RHBDD1: variants seen among roughly 807,000 people sequenced by gnomAD.
RHBDD1 encodes the protein rhomboid domain containing 1.
RHBDD1 carries 38 observed loss-of-function variants against 36.3 expected under a neutral mutation model. The observed-to-expected ratio is 1.05, with a 90% CI of 0.81 to 1.37. RHBDD1 has a LOEUF of 1.37. Ranked by LOEUF, RHBDD1 falls within the 40% of genes most tolerant of loss-of-function variation. RHBDD1 has a pLI of 0.00. For missense variants in RHBDD1, 393 were observed against 377.6 expected, an observed-to-expected ratio of 1.04 and a Z score of -0.34; for synonymous variants, 151 against 136.5, an observed-to-expected ratio of 1.11 and a Z score of -0.74.
chr2:226,971,796 A>AT (rs199799517), intron 8 of RHBDD1, among the ~76,000 whole-genome samples: 27 of 148,618 alleles, frequency 1.8e-4, no homozygotes, highest in South Asian at 1.3e-3. Flanking sequence ...TTGAGATATG[A>AT]TTTTTTTTTT....
intron 8 of RHBDD1, among the ~76,000 whole-genome samples, chr2:226,985,819 CT>C (rs760593288): frequency 1.2e-4 from 18 of 152,380 alleles, no homozygotes; most frequent in Non-Finnish European, 1.8e-4. Context: ...CTATATCCTA[CT>C]CATGCCCAAG....
At chr2:226,971,215 C>G (rs1489554395) in intron 8 of RHBDD1, among the ~76,000 whole-genome samples, 1 of 152,192 alleles carries the variant, frequency 6.6e-6, no homozygotes, top group South Asian at 2.1e-4. Flanking sequence ...TCCTGTTTCC[C>G]TCCTCACACC....
the RHBDD1 span, among the ~76,000 whole-genome samples, chr2:226,817,848 A>C: frequency 6.6e-6 from 1 of 152,182 alleles, no homozygotes; most frequent in East Asian, 1.9e-4. Context: ...TCCAGCATGC[A>C]CCTTTTTAAC....
intron 5 of RHBDD1, among the ~76,000 whole-genome samples, chr2:226,903,953 A>G (rs1433219680): frequency 6.6e-6 from 1 of 152,114 alleles, no homozygotes; most frequent in Non-Finnish European, 1.5e-5. Context: ...ATGTCACTGG[A>G]CAGCCAAACT....
intron 5 of RHBDD1, among the ~76,000 whole-genome samples, chr2:226,892,300 A>T (rs982669233): frequency 6.6e-6 from 1 of 152,202 alleles, no homozygotes; most frequent in African/African-American, 2.4e-5. Flanking sequence ...TCTGTTTTTC[A>T]TAGTCAGAAT....
the RHBDD1 span, among the ~76,000 whole-genome samples, chr2:226,825,617 TTAGA>T: frequency 2.0e-5 from 3 of 152,324 alleles, no homozygotes; most frequent in East Asian, 1.9e-4. Flanking sequence ...TTTTGATAGT[TTAGA>T]TAGTTAATAA....
At chr2:226,902,741 G>A (rs551350527) in intron 5 of RHBDD1, among the ~76,000 whole-genome samples, 46 of 152,140 alleles carry the variant, frequency 3.0e-4, no homozygotes, top group Non-Finnish European at 4.4e-4. Flanking sequence ...TGGAACTTTT[G>A]TGGAAAATGC....
intron 3 of RHBDD1, among the ~76,000 whole-genome samples, chr2:226,841,720 A>G (rs1941654818): frequency 6.6e-6 from 1 of 152,128 alleles, no homozygotes; most frequent in Non-Finnish European, 1.5e-5. Context: ...GGTCAATTCC[A>G]TGTTTTTGCT....
At chr2:226,886,867 TAATTTAA>T (rs1441673529) in intron 5 of RHBDD1, among the ~76,000 whole-genome samples, 2 of 152,092 alleles carry the variant, frequency 1.3e-5, no homozygotes, top group African/African-American at 2.4e-5. Flanking sequence ...GCTTAGTCTT[TAATTTAA>T]AGAACTAGAA....
At chr2:226,810,540 C>CA in the RHBDD1 span, among the ~76,000 whole-genome samples, 4,056 of 33,280 alleles carry the variant, frequency 0.12, 438 homozygotes, top group Admixed American at 0.14. Flanking sequence ...GACTCCGTCT[C>CA]AAAAAAAAAA....
chr2:226,880,180 A>G (rs1190088559), intron 5 of RHBDD1, among the ~76,000 whole-genome samples: 2 of 152,172 alleles, frequency 1.3e-5, no homozygotes, highest in African/African-American at 4.8e-5. Context: ...ACAAGTGTAT[A>G]TAGAATGATA....
At chr2:226,810,540 C>CAAAAA in the RHBDD1 span, among the ~76,000 whole-genome samples, 119 of 33,854 alleles carry the variant, frequency 3.5e-3, 8 homozygotes, top group African/African-American at 0.012. Flanking sequence ...GACTCCGTCT[C>CAAAAA]AAAAAAAAAA....
chr2:226,917,213 TTC>T (rs1948972622), intron 8 of RHBDD1, among the ~76,000 whole-genome samples: 1 of 152,096 alleles, frequency 6.6e-6, no homozygotes, highest in Admixed American at 6.5e-5. Flanking sequence ...CTTCAGAGAT[TTC>T]AGAAAGTCAT....
chr2:226,865,588 A>G (rs1486265334), intron 4 of RHBDD1, among the ~76,000 whole-genome samples: 1 of 152,196 alleles, frequency 6.6e-6, no homozygotes, highest in African/African-American at 2.4e-5. Flanking sequence ...AGCAAGGGAA[A>G]ACAGGAGCCT....
intron 8 of RHBDD1, among the ~76,000 whole-genome samples, chr2:226,929,156 C>T (rs186439013): frequency 5.5e-4 from 83 of 152,116 alleles, no homozygotes; most frequent in African/African-American, 1.8e-3. Flanking sequence ...TCTATGAAGC[C>T]GGTATCACCA....
intron 5 of RHBDD1, among the ~76,000 whole-genome samples, chr2:226,904,187 A>G (rs1325561787): frequency 6.6e-6 from 1 of 152,174 alleles, no homozygotes; most frequent in Non-Finnish European, 1.5e-5. Context: ...TCTAACCCTT[A>G]AGCTGCCTGT....
chr2:226,924,971 A>G (rs570483353), intron 8 of RHBDD1, among the ~76,000 whole-genome samples: 101 of 152,336 alleles, frequency 6.6e-4, no homozygotes, highest in African/African-American at 2.2e-3. Flanking sequence ...GATCACTCAC[A>G]TGATCTTTGG....
At chr2:226,857,217 G>A (rs1157320646) in intron 3 of RHBDD1, among the ~76,000 whole-genome samples, 3 of 151,958 alleles carry the variant, frequency 2.0e-5, no homozygotes, top group South Asian at 2.1e-4. Flanking sequence ...ATCATGAGTC[G>A]TTAGAGGAAT....
upstream of RHBDD1, among the ~76,000 whole-genome samples, chr2:226,831,086 G>C (rs1421527698): frequency 2.0e-5 from 3 of 152,210 alleles, no homozygotes; most frequent in Non-Finnish European, 4.4e-5. Context: ...AAGGGATGCT[G>C]ATCTTGTAAT....
Sources: gnomAD v4.1 joint callset for allele counts (sites outside exome capture counted in the v4.1 genomes callset) on GRCh38, gnomAD v4.1.1 for gene constraint, MANE v1.5 for transcripts, NCBI Gene and HGNC (gene_info 2026-07-23, HGNC 2026-07-21) for gene names.